Variants in AUTS2 observed in about 807,000 individuals in gnomAD.
AUTS2 encodes autism susceptibility gene 2 protein.
In AUTS2, 17 loss-of-function variants were observed where a neutral mutation model predicts 112.4. The observed-to-expected ratio is 0.15, with a 90% CI of 0.10 to 0.23. The LOEUF is 0.23. Ranked by LOEUF, AUTS2 falls within the 10% of genes least tolerant of loss-of-function variation. The probability of loss-of-function intolerance (pLI) is 1.00; values close to 1 mark genes in which losing one functional copy is unlikely to be tolerated. For missense variants in AUTS2, 1,510 were observed against 1,701.6 expected (o/e 0.89, Z 1.98); for synonymous variants, 751 against 702.7 (o/e 1.07, Z -1.09).
At chr7:70,492,045 A>G (rs866097553) in intron 5 of AUTS2, among the ~76,000 whole-genome samples, 1 of 152,036 alleles carries the variant, frequency 6.6e-6, no homozygotes, top group Non-Finnish European at 1.5e-5. Context: ...CCTCAGGCTG[A>G]CCACGCTGGA....
chr7:70,788,736 A>G (rs1791679570), intron 18 of AUTS2, among the ~76,000 whole-genome samples: 1 of 152,228 alleles, frequency 6.6e-6, no homozygotes, highest in South Asian at 2.1e-4. Context: ...GGCAAGAAAC[A>G]GCCCTTATAG....
chr7:69,745,832 G>A (rs374222973), intron 1 of AUTS2, among the ~76,000 whole-genome samples: 1 of 152,054 alleles, frequency 6.6e-6, no homozygotes, highest in Non-Finnish European at 1.5e-5. Flanking sequence ...TGCCAATTGT[G>A]TTACTGATAA....
intron 1 of AUTS2, among the ~76,000 whole-genome samples, chr7:69,704,054 T>C (rs1324235324): frequency 2.0e-5 from 3 of 152,186 alleles, no homozygotes; most frequent in South Asian, 2.1e-4. Context: ...CATCCTTTTC[T>C]CTGGCTCTGT....
chr7:69,706,910 C>A (rs1460686388), intron 1 of AUTS2, among the ~76,000 whole-genome samples: 6 of 152,176 alleles, frequency 3.9e-5, no homozygotes, highest in Non-Finnish European at 7.3e-5. Flanking sequence ...AATGTTGAAG[C>A]TTCTGCTCTA....
chr7:70,056,265 G>A (rs1045539846), intron 2 of AUTS2, among the ~76,000 whole-genome samples: 4 of 152,124 alleles, frequency 2.6e-5, no homozygotes, highest in Non-Finnish European at 5.9e-5. Context: ...GGATACAGGC[G>A]CCCAGCTCTT....
At chr7:69,639,041 A>G (rs751775061) in intron 1 of AUTS2, among the ~76,000 whole-genome samples, 5 of 152,216 alleles carry the variant, frequency 3.3e-5, no homozygotes, top group Non-Finnish European at 5.9e-5. Flanking sequence ...TAACATTTCT[A>G]TTGTTTTTCT....
At chr7:70,626,838 C>T (rs552607457) in intron 5 of AUTS2, among the ~76,000 whole-genome samples, 7 of 152,238 alleles carry the variant, frequency 4.6e-5, no homozygotes, top group Non-Finnish European at 8.8e-5. Context: ...CTGCAAAGGA[C>T]GTGATTTTGT....
In AUTS2 at chr7:70,790,400, C is replaced by T. The variant is rs1057521756; in HGVS notation, c.3184C>T (p.Pro1062Ser). The T allele has an allele frequency of 3.1e-6, 5 of 1,613,666 alleles. No individual in the cohort carries two copies. The Admixed American group carries it at 5.0e-5, about 16-fold the overall frequency. The change falls in exon 19 of 19, where the codon CCG becomes TCG. Residue 1062 changes from proline to serine, a missense_variant. This residue lies in a region of AUTS2 where 788 missense variants were observed against 797.6 expected (regional missense o/e 0.99). Transcript: ENST00000342771. This position sits in a 1 kb window ranked among gnomAD's most constrained non-coding sequence, Gnocchi z 7.6. ...CCCCCTCCCGGGCGGAGAGCGCTTC[C>T]CGTACCCTTCTTTCCACTGGGACCC... The part of the protein sequence containing the change: ...ISPLPGGERF[P>S]YPSFHWDPIR...
At chr7:69,931,006 T>G (rs1176277887) in intron 2 of AUTS2, among the ~76,000 whole-genome samples, 1 of 152,148 alleles carries the variant, frequency 6.6e-6, no homozygotes, top group Admixed American at 6.5e-5. Context: ...TAGAGCAGAA[T>G]TATTTCAGGA....
At chr7:70,527,852 A>T (rs1799908660) in intron 5 of AUTS2, among the ~76,000 whole-genome samples, 1 of 152,148 alleles carries the variant, frequency 6.6e-6, no homozygotes. Flanking sequence ...ACAAGAAGCA[A>T]AGCCTTTATT....
At chr7:70,242,907 C>T (rs575927582) in intron 4 of AUTS2, among the ~76,000 whole-genome samples, 1 of 152,222 alleles carries the variant, frequency 6.6e-6, no homozygotes, top group South Asian at 2.1e-4. Context: ...ATGGAAATTA[C>T]CCTTGTTTCT....
At chr7:70,771,707 G>A in intron 11 of AUTS2, 63 bp downstream of exon 11, 1 of 1,474,280 alleles carries the variant, frequency 6.8e-7, no homozygotes, top group Non-Finnish European at 9.4e-7. Flanking sequence ...GGCCAGGCGT[G>A]CAGGAAGTTC....
chr7:69,824,816 A>T (rs1015702242), intron 1 of AUTS2: 1 of 152,200 alleles, frequency 6.6e-6, no homozygotes, highest in Non-Finnish European at 1.5e-5. Flanking sequence ...TGAGCTTTGC[A>T]GCTGTCTACT....
At chr7:70,054,961 T>C (rs1801926848) in intron 2 of AUTS2, among the ~76,000 whole-genome samples, 1 of 152,090 alleles carries the variant, frequency 6.6e-6, no homozygotes, top group Non-Finnish European at 1.5e-5. Context: ...TTCTCCTCCT[T>C]CTCCTGATAT....
At chr7:69,910,607 A>G (rs2129541742) in intron 2 of AUTS2, among the ~76,000 whole-genome samples, 1 of 152,222 alleles carries the variant, frequency 6.6e-6, no homozygotes, top group South Asian at 2.1e-4. Context: ...GTGCAGGGAA[A>G]CACCTGTTTT....
intron 5 of AUTS2, among the ~76,000 whole-genome samples, chr7:70,461,299 A>G (rs1796952968): frequency 6.6e-6 from 1 of 152,190 alleles, no homozygotes; most frequent in Non-Finnish European, 1.5e-5. Context: ...GAACGCTTCG[A>G]ACTGCTGCAG....
At chr7:70,046,573 A>T (rs980372395) in intron 2 of AUTS2, among the ~76,000 whole-genome samples, 5 of 152,210 alleles carry the variant, frequency 3.3e-5, no homozygotes, top group African/African-American at 1.2e-4. Context: ...GAAACTCAGA[A>T]ACAACTGGCA....
At chr7:69,836,942 T>G (rs1181148436) in intron 1 of AUTS2, among the ~76,000 whole-genome samples, 1 of 152,152 alleles carries the variant, frequency 6.6e-6, no homozygotes, top group Non-Finnish European at 1.5e-5. Context: ...ACACAGTAAA[T>G]GTTAGGTATA....
chr7:70,098,613 C>G (rs17141190), intron 2 of AUTS2, among the ~76,000 whole-genome samples: 15,011 of 151,792 alleles, frequency 0.099, 798 homozygotes, highest in East Asian at 0.12. Flanking sequence ...TGATTTTTTA[C>G]TTTTATAATT....
Sources: gnomAD v4.1 joint callset for allele counts (sites outside exome capture counted in the v4.1 genomes callset) on GRCh38, gnomAD v4.1.1 for gene constraint, gnomAD v4.1.1 regional missense constraint, Gnocchi (gnomAD v3.1) non-coding constraint, MANE v1.5 for transcripts, NCBI Gene and HGNC (gene_info 2026-07-23, HGNC 2026-07-21) for gene names.